UBE3C: variants seen among roughly 807,000 people sequenced by gnomAD.
UBE3C encodes ubiquitin-protein ligase E3C.
Under a neutral mutation model 129.4 loss-of-function variants are expected in UBE3C, and 42 were observed. The ratio of observed to expected loss-of-function variants is 0.32; its 90% CI spans 0.25 to 0.42. The LOEUF (loss-of-function observed/expected upper bound fraction) is 0.42, where lower values mean the gene tolerates loss of function less well. Ranked by LOEUF, UBE3C falls within the 10% of genes least tolerant of loss-of-function variation. The pLI, the probability that UBE3C is intolerant of heterozygous loss-of-function variation, is 1.00. For missense variants in UBE3C, 1,049 were observed against 1,319.1 expected (o/e 0.80, Z 3.17); for synonymous variants, 510 against 492.4 (o/e 1.04, Z -0.47).
At chr7:157,202,170 A>G (rs1295864803) in intron 11 of UBE3C, among the ~76,000 whole-genome samples, 1 of 152,240 alleles carries the variant, frequency 6.6e-6, no homozygotes, top group Non-Finnish European at 1.5e-5. Flanking sequence ...CAAACATTAG[A>G]ACAGTGTAGA....
At chr7:157,183,267 G>A (rs1012914308) in intron 8 of UBE3C, among the ~76,000 whole-genome samples, 2 of 151,814 alleles carry the variant, frequency 1.3e-5, no homozygotes, top group Admixed American at 1.3e-4. Context: ...CCGATTACAA[G>A]TAGTAGGTTG....
intron 4 of UBE3C, among the ~76,000 whole-genome samples, chr7:157,172,987 C>T (rs764597690): frequency 9.2e-5 from 14 of 152,304 alleles, no homozygotes; most frequent in East Asian, 1.9e-4. Flanking sequence ...ATTTGACTTT[C>T]GGCCTCGAGC....
Position 157,231,339 on chromosome 7 carries a change from T to C in UBE3C, c.2481+12T>C. On this transcript the variant is annotated intron_variant, in intron 18 of 22. Transcript: ENST00000348165. ...GAATGCTTGGAAAGGTAAAGTAACCTTCATATAAAAATAGACCTCGGACCA... is the reference window on the plus strand; with the variant it reads ...GAATGCTTGGAAAGGTAAAGTAACCCTCATATAAAAATAGACCTCGGACCA... 6.2e-7 allele frequency: 1 copy of C among 1,611,734 alleles called. No individual in the cohort carries two copies. The highest frequency in any genetic ancestry group is 8.5e-7 in the Non-Finnish European group (1 of 1,179,218).
intron 7 of UBE3C, 136 bp from the exon 8 acceptor site, chr7:157,181,971 TA>T: frequency 1.1e-6 from 1 of 933,320 alleles, no homozygotes; most frequent in Non-Finnish European, 1.5e-6. Flanking sequence ...ATCTAGTTGA[TA>T]TTAAAATGGT....
At chr7:157,191,224 C>T (rs1224208497) in intron 10 of UBE3C, among the ~76,000 whole-genome samples, 1 of 152,186 alleles carries the variant, frequency 6.6e-6, no homozygotes, top group Non-Finnish European at 1.5e-5. Flanking sequence ...CGCCTCGAAG[C>T]GCAGTGCTTC....
intron 3 of UBE3C, among the ~76,000 whole-genome samples, chr7:157,169,871 A>T (rs1467531774): frequency 6.6e-6 from 1 of 151,884 alleles, no homozygotes; most frequent in African/African-American, 2.4e-5. Flanking sequence ...TTTAGTAGAG[A>T]TGGCGTTTCA....
chr7:157,184,125 CA>C (rs1409847860), intron 9 of UBE3C, 96 bp downstream of exon 9: 3 of 1,498,764 alleles, frequency 2.0e-6, no homozygotes, highest in Middle Eastern at 2.3e-4. Flanking sequence ...TTACACAAGT[CA>C]GACCCTCAAG....
chr7:157,206,045 G>T (rs1373390117), intron 11 of UBE3C, among the ~76,000 whole-genome samples: 1 of 152,154 alleles, frequency 6.6e-6, no homozygotes, highest in Non-Finnish European at 1.5e-5. Context: ...TTGTGGAAAT[G>T]GATATTTGGG....
chr7:157,217,946 C>T (rs1795627500), intron 14 of UBE3C, among the ~76,000 whole-genome samples: 1 of 152,158 alleles, frequency 6.6e-6, no homozygotes, highest in Non-Finnish European at 1.5e-5. Context: ...TCCCTTGTGC[C>T]CTGGAGGCGG....
At chr7:157,241,845 C>T (rs1796337509) in intron 18 of UBE3C, among the ~76,000 whole-genome samples, 1 of 152,178 alleles carries the variant, frequency 6.6e-6, no homozygotes, top group Non-Finnish European at 1.5e-5. Flanking sequence ...AGGGGTAAAG[C>T]ACTGACACAT....
rs371300314 is a variant in UBE3C at position 157,262,409 on chromosome 7, CTTTTTTTTTTTTT to C, written c.3082-5161_3082-5149del. ...AGAATCATGTAAGTCTCTTCATAGGCTTTTTTTTTTTTTTTTTTTTTTTTTTTGAGATAGAGTT... is the reference window on the plus strand; with the variant it reads ...AGAATCATGTAAGTCTCTTCATAGGCTTTTTTTTTTTTTTGAGATAGAGTT... On this transcript the variant is annotated intron_variant, in intron 22 of 22. Coordinates refer to ENST00000348165, the MANE Select transcript of UBE3C (RefSeq NM_014671.3). Among the ~76,000 whole-genome samples the C allele has an allele frequency of 1.3e-4, 7 of 54,030 alleles. 1 individual carries two copies. Among genetic ancestry groups the C allele is most frequent in the African/African-American group, 3.7e-4 (5 of 13,434 alleles). 35.4% of individuals were successfully genotyped at this position (54,030 alleles called of 152,430 possible). A position where few individuals can be genotyped will look rare whatever the true frequency, so the allele number is the denominator to read the frequency against.
chr7:157,250,851 T>A (rs1796604420), intron 19 of UBE3C, among the ~76,000 whole-genome samples: 1 of 152,162 alleles, frequency 6.6e-6, no homozygotes, highest in Non-Finnish European at 1.5e-5. Context: ...ACGGTGAGTG[T>A]TGTGGTGACC....
rs1258962040 is a variant in UBE3C at position 157,244,062 on chromosome 7, C to G, written c.2482-4306C>G. On this transcript the variant is annotated intron_variant, in intron 18 of 22. Transcript: ENST00000348165. ...CCTGGCCAACGTGGGGAAACCCTGT[C>G]TCTACTAAAAATACAAAAATTTGCT... Among the ~76,000 whole-genome samples, 57 of 149,538 alleles carry G rather than the reference C, an allele frequency of 3.8e-4. 1 individual carries two copies. Among genetic ancestry groups the G allele is most frequent in the Admixed American group, 3.7e-3 (55 of 14,928 alleles).
At chr7:157,223,044 C>A (rs1056442070) in intron 15 of UBE3C, 7 of 497,090 alleles carry the variant, frequency 1.4e-5, no homozygotes, top group Non-Finnish European at 2.5e-5. Flanking sequence ...CTTTAATATT[C>A]GATCAAGTTA....
intron 2 of UBE3C, chr7:157,164,456 A>T (rs1411752368): frequency 2.2e-6 from 1 of 456,618 alleles, no homozygotes; most frequent in Non-Finnish European, 4.4e-6. Context: ...CGTCTGGCTG[A>T]TGATGTTGAT....
chr7:157,213,952 GTATTATTTGATATAAATAAATATAAACA>G (rs1809664347), intron 13 of UBE3C, among the ~76,000 whole-genome samples: 1 of 152,114 alleles, frequency 6.6e-6, no homozygotes, highest in South Asian at 2.1e-4. Flanking sequence ...TACTAAAAAT[GTATTATTTGATATAAATAAATATAAACA>G]TATTATTTGA....
chr7:157,221,459 G>A (rs1037833363), intron 15 of UBE3C: 1 of 152,268 alleles, frequency 6.6e-6, no homozygotes, highest in Middle Eastern at 3.4e-3. Flanking sequence ...AAAATTCTAT[G>A]GGCCAGGCGT....
At chr7:157,256,033 C>T (rs1796743020) in intron 21 of UBE3C, among the ~76,000 whole-genome samples, 1 of 152,188 alleles carries the variant, frequency 6.6e-6, no homozygotes, top group Admixed American at 6.5e-5. Flanking sequence ...TGTTCAGCGG[C>T]GGCTTTGAAC....
chr7:157,259,210 C>T lies in UBE3C; in HGVS notation c.3081+2166C>T, dbSNP rs77951582. Among the ~76,000 whole-genome samples the T allele has an allele frequency of 1.1e-3, 174 of 152,366 alleles. 2 individuals carry two copies. Among genetic ancestry groups the T allele is most frequent in the Admixed American group, 7.8e-3 (119 of 15,308 alleles). Reference sequence around the variant, plus strand: ...TCAGCGCTCAGTGGGAGCGGAGCCCCGCAGTCACGTTGTGACCAGCTCTTC... The same window carrying T: ...TCAGCGCTCAGTGGGAGCGGAGCCCTGCAGTCACGTTGTGACCAGCTCTTC... On this transcript the variant is annotated intron_variant, in intron 22 of 22. Coordinates refer to ENST00000348165, the MANE Select transcript of UBE3C (RefSeq NM_014671.3).
Sources: allele counts gnomAD v4.1 joint callset (sites outside exome capture counted in the v4.1 genomes callset), GRCh38; gene constraint gnomAD v4.1.1; transcripts MANE v1.5; gene names NCBI Gene and HGNC (gene_info 2026-07-23, HGNC 2026-07-21).